Variants in PRKG1 observed in about 807,000 individuals in gnomAD.
PRKG1 encodes protein kinase cGMP-dependent 1.
Under a neutral mutation model 88.1 loss-of-function variants are expected in PRKG1, and 35 were observed. That is an observed-to-expected ratio of 0.40 (90% CI 0.30 to 0.53). The LOEUF (loss-of-function observed/expected upper bound fraction) is 0.53. Ranked by LOEUF, PRKG1 falls within the 20% of genes least tolerant of loss-of-function variation. The pLI is 0.59. For synonymous variants in PRKG1, 303 were observed against 292.5 expected, an observed-to-expected ratio of 1.04 and a Z score of -0.37; for missense variants, 540 against 839.8, an observed-to-expected ratio of 0.64 and a Z score of 4.41.
chr10:51,018,045 C>G (rs1456097567), intron 1 of PRKG1, among the ~76,000 whole-genome samples: 1 of 152,026 alleles, frequency 6.6e-6, no homozygotes, highest in East Asian at 1.9e-4. Flanking sequence ...TGGTCTTGAA[C>G]TCCTGGGCTC....
At chr10:52,241,043 A>G (rs150966756) in intron 9 of PRKG1, among the ~76,000 whole-genome samples, 2 of 152,262 alleles carry the variant, frequency 1.3e-5, no homozygotes, top group African/African-American at 4.8e-5. Context: ...CACACAACCC[A>G]TATTCTAATA....
intron 2 of PRKG1, among the ~76,000 whole-genome samples, chr10:51,327,759 A>T (rs1032354103): frequency 1.3e-5 from 2 of 152,220 alleles, no homozygotes; most frequent in African/African-American, 4.8e-5. Context: ...GAGTATATAA[A>T]TATGTCTAAA....
rs1589181269 is a variant in PRKG1 at position 51,133,389 on chromosome 10, C to T, written c.312-19775C>T. On this transcript the variant is annotated intron_variant, in intron 1 of 17. Coordinates refer to ENST00000373980, the MANE Select transcript of PRKG1 (RefSeq NM_006258.4). ...GATGATAACCACCATCAGTTTTGCA[C>T]TGATCACTCCTAGGCACCTAAACCA... 3.9e-5 allele frequency among the ~76,000 whole-genome samples: 6 copies of T among 152,182 alleles called. 1 individual carries two copies. In the South Asian group the frequency reaches 1.2e-3, roughly 32 times the overall value.
intron 2 of PRKG1, among the ~76,000 whole-genome samples, chr10:51,435,818 G>C (rs1185097003): frequency 6.6e-6 from 1 of 152,020 alleles, no homozygotes; most frequent in African/African-American, 2.4e-5. Flanking sequence ...TAGGTGCCAA[G>C]TGCCAAAGGA....
intron 3 of PRKG1, among the ~76,000 whole-genome samples, chr10:51,648,943 C>T (rs147047879): frequency 1.6e-3 from 242 of 152,206 alleles, no homozygotes; most frequent in African/African-American, 5.6e-3. Flanking sequence ...GTGGCTCATG[C>T]CTATAATCCC....
At chr10:51,857,061 G>T (rs1267880866) in intron 4 of PRKG1, among the ~76,000 whole-genome samples, 3 of 151,950 alleles carry the variant, frequency 2.0e-5, no homozygotes, top group African/African-American at 7.2e-5. Context: ...ATTGTGACTG[G>T]GTGTTCTTCT....
chr10:52,161,132 G>T (rs1488548283), intron 8 of PRKG1, among the ~76,000 whole-genome samples: 4 of 151,814 alleles, frequency 2.6e-5, no homozygotes, highest in African/African-American at 9.7e-5. Context: ...GGCGATTCTG[G>T]TATACATGTG....
intron 3 of PRKG1, among the ~76,000 whole-genome samples, chr10:51,566,712 TG>T (rs1211514462): frequency 2.6e-5 from 4 of 151,812 alleles, no homozygotes; most frequent in Admixed American, 2.6e-4. Context: ...TCAAAAGCTC[TG>T]GGGGAAGAAA....
chr10:51,812,861 G>A (rs953094021), intron 4 of PRKG1, among the ~76,000 whole-genome samples: 3 of 151,764 alleles, frequency 2.0e-5, no homozygotes, highest in East Asian at 3.9e-4. Flanking sequence ...GAGTTTTTTG[G>A]CAAGTTCTTG....
chr10:51,069,264 G>T (rs759427215), intron 1 of PRKG1, among the ~76,000 whole-genome samples: 1 of 151,590 alleles, frequency 6.6e-6, no homozygotes, highest in South Asian at 2.1e-4. Context: ...TCTTTTCTAC[G>T]CAGAACTTAC....
chr10:51,754,122 A>G (rs1361207910), intron 3 of PRKG1, among the ~76,000 whole-genome samples: 1 of 152,012 alleles, frequency 6.6e-6, no homozygotes, highest in African/African-American at 2.4e-5. Context: ...GGATTTAGCC[A>G]TTCCTCTAGT....
intron 3 of PRKG1, among the ~76,000 whole-genome samples, chr10:51,719,156 A>AAAAG (rs57226820): frequency 6.7e-6 from 1 of 150,224 alleles, no homozygotes. Context: ...TCTCAAAAAA[A>AAAAG]AGAGAGAGAG....
At chr10:51,809,816 A>C (rs899197486) in intron 4 of PRKG1, among the ~76,000 whole-genome samples, 1 of 152,038 alleles carries the variant, frequency 6.6e-6, no homozygotes, top group Non-Finnish European at 1.5e-5. Context: ...CTCCTAGGAG[A>C]AAGCCTACCT....
At chr10:52,025,671 G>C (rs916271215) in intron 5 of PRKG1, among the ~76,000 whole-genome samples, 8 of 151,622 alleles carry the variant, frequency 5.3e-5, no homozygotes, top group African/African-American at 1.7e-4. Context: ...TCTCTGTTCT[G>C]TTCCATTGGT....
At chr10:51,123,561 C>T (rs1329763101) in intron 1 of PRKG1, among the ~76,000 whole-genome samples, 3 of 152,002 alleles carry the variant, frequency 2.0e-5, no homozygotes, top group Non-Finnish European at 4.4e-5. Flanking sequence ...TGGTGGGTTC[C>T]TGTAATCCCA....
At chr10:51,884,025 CAAAAAAA>C (rs11346256) in intron 4 of PRKG1, among the ~76,000 whole-genome samples, 2 of 106,122 alleles carry the variant, frequency 1.9e-5, no homozygotes, top group Admixed American at 1.0e-4. Context: ...TTTTATTTTT[CAAAAAAA>C]AAAAAAAAAA....
chr10:52,039,583 T>C (rs1412424091), intron 5 of PRKG1, among the ~76,000 whole-genome samples: 1 of 152,168 alleles, frequency 6.6e-6, no homozygotes, highest in Non-Finnish European at 1.5e-5. Context: ...GAAATGCTAC[T>C]GTACCAGTTA....
At chr10:51,313,145 C>T (rs1279389240) in intron 2 of PRKG1, among the ~76,000 whole-genome samples, 3 of 151,680 alleles carry the variant, frequency 2.0e-5, no homozygotes, top group African/African-American at 4.8e-5. Flanking sequence ...CATTCTTCCT[C>T]GTAACTGATA....
chr10:51,213,153 ATG>A (rs1316441905), intron 2 of PRKG1, among the ~76,000 whole-genome samples: 1 of 152,250 alleles, frequency 6.6e-6, no homozygotes, highest in African/African-American at 2.4e-5. Flanking sequence ...GGATTAGTTC[ATG>A]TCCTTTGTAG....
Sources: allele counts gnomAD v4.1 joint callset (sites outside exome capture counted in the v4.1 genomes callset), GRCh38; gene constraint gnomAD v4.1.1; transcripts MANE v1.5; gene names NCBI Gene and HGNC (gene_info 2026-07-23, HGNC 2026-07-21).